NSA2: variants seen among roughly 807,000 people sequenced by gnomAD.
NSA2 encodes NSA2 ribosome biogenesis factor.
A neutral mutation model predicts 34.8 loss-of-function variants in NSA2; 18 were observed. The observed-to-expected ratio is 0.52, with a 90% CI of 0.36 to 0.77. The LOEUF (loss-of-function observed/expected upper bound fraction) is 0.77, where lower values mean the gene tolerates loss of function less well. Ranked by LOEUF, NSA2 falls within the 30% of genes least tolerant of loss-of-function variation. The probability of loss-of-function intolerance (pLI) is 0.00; values close to 1 mark genes in which losing one functional copy is unlikely to be tolerated. For missense variants in NSA2, 188 were observed against 314.7 expected (o/e 0.60, Z 3.05); for synonymous variants, 79 against 100.2 (o/e 0.79, Z 1.26).
intron 1 of NSA2, among the ~76,000 whole-genome samples, chr5:74,767,623 G>A (rs1744731485): frequency 6.6e-6 from 1 of 152,076 alleles, no homozygotes; most frequent in Non-Finnish European, 1.5e-5. Context: ...TTGATCCACC[G>A]CTAAGAGTCC....
At chr5:74,770,529 C>CA (rs1439391815) in intron 3 of NSA2, 102 bp from the exon 4 acceptor site, 113 of 956,344 alleles carry the variant, frequency 1.2e-4, no homozygotes, top group Middle Eastern at 2.3e-4. Context: ...GATGGTCAAG[C>CA]AAAAAAAATA....
intron 1 of NSA2, among the ~76,000 whole-genome samples, chr5:74,767,699 C>T (rs986281829): frequency 1.3e-5 from 2 of 152,148 alleles, no homozygotes; most frequent in Non-Finnish European, 2.9e-5. Context: ...ATATGGTTGT[C>T]CCTTGTACAG....
At position 74,773,486 on chromosome 5, in the gene NSA2, A is replaced by AT. The variant is rs1317480240; in HGVS notation, c.523-382_523-381insT. ...CATCTCTACCAAAAAAAAAAAAAAA[A>AT]AAAATAAGCTAGGCATGGTGGTGCG... is the stretch of plus-strand genomic sequence containing the variant. On this transcript the variant is annotated intron_variant, in intron 4 of 5. Coordinates refer to ENST00000610426, the MANE Select transcript of NSA2 (RefSeq NM_014886.6). 2.2e-3 allele frequency among the ~76,000 whole-genome samples: 337 copies of AT among 150,884 alleles called. 2 individuals are homozygous for AT. The highest frequency in any genetic ancestry group is 6.9e-3 in the Middle Eastern group (2 of 290).
chr5:74,770,004 A>C (rs1744864322), intron 3 of NSA2, among the ~76,000 whole-genome samples: 3 of 152,190 alleles, frequency 2.0e-5, no homozygotes, highest in Non-Finnish European at 4.4e-5. Flanking sequence ...GTATTATGCT[A>C]TTAAACATTA....
chr5:74,767,491 G>C, intron 1 of NSA2, 128 bp downstream of exon 1: 3 of 1,155,660 alleles, frequency 2.6e-6, no homozygotes, highest in Non-Finnish European at 3.8e-6. Context: ...AGAAAAGGAT[G>C]GTAGACCCGT....
rs1201225906 is a variant in NSA2 at position 74,777,335 on chromosome 5, T to TAAAC, written c.*667_*670dup. 2 of 152,308 alleles carry TAAAC rather than the reference T, an allele frequency of 1.3e-5. No individual in the cohort carries two copies. Among genetic ancestry groups the TAAAC allele is most frequent in the African/African-American group, 4.8e-5 (2 of 41,596 alleles). 9.4% of individuals were successfully genotyped at this position (152,308 alleles called of 1,614,324 possible). ...TACTCTCTTAGCATTTTCTGTATTC[T>TAAAC]AAACAATATATTTATACTTTCAGAA... On this transcript the variant is annotated 3_prime_UTR_variant, in exon 6 of 6. Coordinates refer to ENST00000610426, the MANE Select transcript of NSA2 (RefSeq NM_014886.6).
In NSA2 at chr5:74,767,443, G is replaced by T. The variant is rs79669494; in HGVS notation, c.3+80G>T. ...TGAGGACTCTGGGGCGCTGGGGTAG[G>T]GGGTGAGCGGTGGTAGGCGGAAATG... On this transcript the variant is annotated intron_variant, in intron 1 of 5. Coordinates refer to ENST00000610426, the MANE Select transcript of NSA2 (RefSeq NM_014886.6). 199,097 of 1,558,762 alleles carry T rather than the reference G, an allele frequency of 0.13. 14,254 individuals are homozygous for T. Among genetic ancestry groups the T allele is most frequent in the African/African-American group, 0.28 (20,665 of 73,960 alleles).
intron 5 of NSA2, among the ~76,000 whole-genome samples, chr5:74,775,736 G>A (rs1037104311): frequency 1.3e-5 from 2 of 151,428 alleles, no homozygotes; most frequent in Non-Finnish European, 2.9e-5. Context: ...ACCATGAGCC[G>A]AGGGAGGCAT....
At chr5:74,767,972 T>C (rs535265432) in intron 1 of NSA2, among the ~76,000 whole-genome samples, 1 of 152,356 alleles carries the variant, frequency 6.6e-6, no homozygotes, top group African/African-American at 2.4e-5. Flanking sequence ...TTAACATTGC[T>C]CTCTGTGCTG....
intron 4 of NSA2, among the ~76,000 whole-genome samples, chr5:74,773,395 G>A (rs886201352): frequency 2.6e-5 from 4 of 151,522 alleles, no homozygotes; most frequent in Admixed American, 1.3e-4. Flanking sequence ...CACTTTGGGA[G>A]GCTGAGGTGG....
chr5:74,770,832 A>G (rs1484289587), intron 4 of NSA2, 22 bp downstream of exon 4: 1 of 1,487,734 alleles, frequency 6.7e-7, no homozygotes, highest in East Asian at 2.4e-5. Flanking sequence ...GAAGAGTGTA[A>G]TGACCGAAAT....
chr5:74,771,115 T>TA (rs770235591), intron 4 of NSA2, among the ~76,000 whole-genome samples: 1 of 151,904 alleles, frequency 6.6e-6, no homozygotes, highest in Non-Finnish European at 1.5e-5. Context: ...CTATCTGTAC[T>TA]AAAAAATACA....
rs753821090 is a variant in NSA2 at position 74,770,732 on chromosome 5, A to G, written c.444A>G (p.Arg148=). 2 of 1,613,642 alleles carry G rather than the reference A, an allele frequency of 1.2e-6. No homozygotes were observed. The highest frequency in any genetic ancestry group is 2.2e-5 in the South Asian group (2 of 90,968). Residue 148 remains arginine, a synonymous_variant, in exon 4 of 6, where the codon AGA becomes AGG. Coordinates refer to ENST00000610426, the MANE Select transcript of NSA2 (RefSeq NM_014886.6). ...TGKRKKKAWK[R]MVTKVCFVGD... ...AGAGAAAGAAGAAGGCATGGAAGAG[A>G]ATGGTTACTAAAGTGTGCTTTGTTG... is the stretch of plus-strand genomic sequence containing the variant.
chr5:74,776,554 T>TATTA (rs1414466406), intron 5 of NSA2, 50 bp from the exon 6 acceptor site: 1 of 911,438 alleles, frequency 1.1e-6, no homozygotes, highest in Non-Finnish European at 1.8e-6. Flanking sequence ...AATTAATTTT[T>TATTA]ATTAGCTAAC....
At position 74,776,979 on chromosome 5, in the gene NSA2, C is replaced by T. The variant is rs551761397; in HGVS notation, c.*308C>T. ...AACCACCAGTGTTCATTGAAAATGC[C>T]TTTCAAAAAGGTTAATACACAATTA... On this transcript the variant is annotated 3_prime_UTR_variant, in exon 6 of 6. Coordinates refer to ENST00000610426, the MANE Select transcript of NSA2 (RefSeq NM_014886.6). 1 of 209,128 alleles carries T rather than the reference C, an allele frequency of 4.8e-6. No individual in the cohort carries two copies. The highest frequency in any genetic ancestry group is 1.2e-4 in the South Asian group (1 of 8,350). 13.0% of individuals were successfully genotyped at this position (209,128 alleles called of 1,614,324 possible).
At chr5:74,770,121 A>T (rs1472405508) in intron 3 of NSA2, among the ~76,000 whole-genome samples, 1 of 152,200 alleles carries the variant, frequency 6.6e-6, no homozygotes, top group East Asian at 1.9e-4. Context: ...ACCTGAGGTC[A>T]GGAGTTCAAG....
At position 74,773,928 on chromosome 5, in the gene NSA2, C is replaced by T. The variant is rs768667576; in HGVS notation, c.583C>T (p.Pro195Ser). 8.7e-6 allele frequency: 14 copies of T among 1,613,806 alleles called. No homozygotes were observed. The highest frequency in any genetic ancestry group is 1.2e-5 in the Non-Finnish European group (14 of 1,179,858). ...TGAACTGAAAGCCACCTTTTGCCTA[C>T]CAATACTTGGTGTAAAGAAGAATCC... ...HPELKATFCL[P>S]ILGVKKNPSS... The change falls in exon 5 of 6, where the codon CCA becomes TCA. Residue 195 changes from proline (P) to serine (S), a missense_variant. Physicochemically the swap from Pro to Ser is moderately conservative, Grantham distance 74. Transcript: ENST00000610426.
Position 74,778,814 on chromosome 5 carries a change from A to C in NSA2, c.*2143A>C, listed in dbSNP as rs1458581397. ...TTCACAAATAAGTTCACAAAGGACT[A>C]TGTGTAATGTGACTGGACATTCAAC... On this transcript the variant is annotated 3_prime_UTR_variant, in exon 6 of 6. Transcript: ENST00000610426. 6.6e-6 allele frequency: 1 copy of C among 152,120 alleles called. No homozygotes were observed. The highest frequency in any genetic ancestry group is 2.4e-5 in the African/African-American group (1 of 41,466). The allele number at this position is 152,120 out of a possible 1,614,324, so 9.4% of individuals were successfully genotyped here.
intron 5 of NSA2, 24 bp from the exon 6 acceptor site, chr5:74,776,580 C>CT: frequency 3.0e-6 from 4 of 1,351,566 alleles, no homozygotes; most frequent in Non-Finnish European, 3.2e-6. Flanking sequence ...TCCCTTTTCC[C>CT]TTTTTTGGTT....
Sources: gnomAD v4.1 joint callset for allele counts (sites outside exome capture counted in the v4.1 genomes callset) on GRCh38, gnomAD v4.1.1 for gene constraint, MANE v1.5 for transcripts, NCBI Gene and HGNC (gene_info 2026-07-23, HGNC 2026-07-21) for gene names.